Variants in CACNA2D3 observed in about 807,000 individuals in gnomAD.
CACNA2D3 encodes voltage-dependent calcium channel subunit alpha-2/delta-3.
Under a neutral mutation model 160.6 loss-of-function variants are expected in CACNA2D3, and 60 were observed. The observed-to-expected ratio is 0.37, with a 90% CI of 0.30 to 0.46. The LOEUF (loss-of-function observed/expected upper bound fraction) is 0.46, where lower values mean the gene tolerates loss of function less well. Ranked by LOEUF, CACNA2D3 falls within the 20% of genes least tolerant of loss-of-function variation. The pLI is 1.00. For synonymous variants in CACNA2D3, 558 were observed against 492.9 expected (o/e 1.13, Z -1.75); for missense variants, 1,205 against 1,365.0 (o/e 0.88, Z 1.85).
At chr3:55,011,675 T>G (rs1703214742) in intron 34 of CACNA2D3, among the ~76,000 whole-genome samples, 1 of 152,020 alleles carries the variant, frequency 6.6e-6, no homozygotes, top group South Asian at 2.1e-4. Flanking sequence ...TGGAGCTAAT[T>G]AGGGTCAGTA....
intron 13 of CACNA2D3, among the ~76,000 whole-genome samples, chr3:54,788,510 T>A (rs904633246): frequency 5.9e-5 from 9 of 152,168 alleles, no homozygotes; most frequent in African/African-American, 2.2e-4. Context: ...AAATCACTTT[T>A]GAAACTCTCC....
At chr3:54,353,432 T>C (rs538777989) in intron 3 of CACNA2D3, among the ~76,000 whole-genome samples, 144 of 152,010 alleles carry the variant, frequency 9.5e-4, no homozygotes, top group African/African-American at 3.3e-3. Flanking sequence ...TCAGCAGATA[T>C]GGGTATAAGA....
chr3:54,549,818 A>G (rs1380288416), intron 5 of CACNA2D3, among the ~76,000 whole-genome samples: 2 of 152,226 alleles, frequency 1.3e-5, no homozygotes, highest in African/African-American at 4.8e-5. Flanking sequence ...AAATATCAAT[A>G]AAAAGCTGAT....
intron 4 of CACNA2D3, among the ~76,000 whole-genome samples, chr3:54,498,486 T>C (rs1208126430): frequency 6.6e-6 from 1 of 151,998 alleles, no homozygotes; most frequent in Non-Finnish European, 1.5e-5. Context: ...TCTTAATCAG[T>C]CTAACTAGAA....
chr3:54,544,428 G>A lies in CACNA2D3; in HGVS notation c.545-18372G>A, dbSNP rs555238593. Among the ~76,000 whole-genome samples the A allele has an allele frequency of 8.6e-5, 13 of 151,482 alleles. No homozygotes were observed. In the East Asian group the frequency reaches 2.5e-3, roughly 29 times the overall value. ...TTTTTTTAATGTTTTTAAAGATACAGGGTCATATTCTGTTATCAAGACTGG... is the reference window on the plus strand; with the variant it reads ...TTTTTTTAATGTTTTTAAAGATACAAGGTCATATTCTGTTATCAAGACTGG... On this transcript the variant is annotated intron_variant, in intron 5 of 37. Transcript: ENST00000474759.
chr3:54,776,140 C>A (rs1210865563), intron 13 of CACNA2D3, among the ~76,000 whole-genome samples: 1 of 152,174 alleles, frequency 6.6e-6, no homozygotes, highest in African/African-American at 2.4e-5. Context: ...GGTCAGATGT[C>A]CATCATTTAT....
intron 35 of CACNA2D3, among the ~76,000 whole-genome samples, chr3:55,034,971 A>AT (rs552877886): frequency 1.4e-4 from 21 of 151,508 alleles, no homozygotes; most frequent in South Asian, 1.0e-3. Flanking sequence ...CATAAATGCC[A>AT]TTTTTTTTTA....
intron 9 of CACNA2D3, among the ~76,000 whole-genome samples, chr3:54,582,959 T>G (rs1328783341): frequency 2.0e-5 from 3 of 152,164 alleles, no homozygotes; most frequent in African/African-American, 7.2e-5. Context: ...ATGATAAGCT[T>G]CATATTTAGG....
chr3:54,239,811 C>G (rs540106766), intron 2 of CACNA2D3, among the ~76,000 whole-genome samples: 1 of 152,300 alleles, frequency 6.6e-6, no homozygotes, highest in East Asian at 1.9e-4. Flanking sequence ...TTCTAATCCT[C>G]TCTTTACTCA....
intron 11 of CACNA2D3, among the ~76,000 whole-genome samples, chr3:54,663,869 C>T (rs1700015933): frequency 6.6e-6 from 1 of 152,222 alleles, no homozygotes; most frequent in South Asian, 2.1e-4. Context: ...CCTCTCCTGC[C>T]TGTGTTTTCC....
At chr3:55,033,708 A>C (rs1247676860) in intron 35 of CACNA2D3, among the ~76,000 whole-genome samples, 2 of 130,850 alleles carry the variant, frequency 1.5e-5, no homozygotes, top group African/African-American at 5.7e-5. Context: ...AAATATATAT[A>C]ATATATATTA....
At chr3:55,068,680 A>G (rs1704725629) in intron 35 of CACNA2D3, among the ~76,000 whole-genome samples, 1 of 152,108 alleles carries the variant, frequency 6.6e-6, no homozygotes, top group African/African-American at 2.4e-5. Flanking sequence ...GTAAATAGAG[A>G]TCCTCTTCAC....
At chr3:54,854,811 G>GCTTA (rs1432199561) in intron 17 of CACNA2D3, among the ~76,000 whole-genome samples, 3 of 152,096 alleles carry the variant, frequency 2.0e-5, no homozygotes, top group Admixed American at 6.5e-5. Context: ...ATTCCCTGAT[G>GCTTA]CTTAGGCCAA....
At chr3:54,232,364 T>C (rs1701787951) in intron 2 of CACNA2D3, among the ~76,000 whole-genome samples, 1 of 152,150 alleles carries the variant, frequency 6.6e-6, no homozygotes. Context: ...TGGGTGGTAG[T>C]ATTTGTAAGA....
At chr3:54,142,629 T>C (rs890580606) in intron 2 of CACNA2D3, among the ~76,000 whole-genome samples, 1 of 152,188 alleles carries the variant, frequency 6.6e-6, no homozygotes, top group Non-Finnish European at 1.5e-5. Context: ...TACTACTTGT[T>C]GAACATTTAA....
chr3:55,061,691 GT>G (rs1373925803), intron 35 of CACNA2D3, among the ~76,000 whole-genome samples: 1 of 152,086 alleles, frequency 6.6e-6, no homozygotes, highest in East Asian at 1.9e-4. Context: ...CTGAAAATGT[GT>G]TTGTTTTCAT....
intron 11 of CACNA2D3, among the ~76,000 whole-genome samples, chr3:54,677,652 C>T (rs2106908677): frequency 6.6e-6 from 1 of 150,382 alleles, no homozygotes; most frequent in South Asian, 2.1e-4. Flanking sequence ...CTCGTCTAGT[C>T]TCTCTCCCAG....
chr3:54,708,049 G>A (rs1356095554), intron 11 of CACNA2D3, among the ~76,000 whole-genome samples: 5 of 152,182 alleles, frequency 3.3e-5, no homozygotes, highest in Non-Finnish European at 7.3e-5. Context: ...AATGAATGAA[G>A]GTTATGGTCT....
At chr3:54,950,805 G>A (rs186360078) in intron 27 of CACNA2D3, among the ~76,000 whole-genome samples, 79 of 152,256 alleles carry the variant, frequency 5.2e-4, no homozygotes, top group African/African-American at 1.7e-3. Flanking sequence ...GGGAAGGGAC[G>A]CACAGAGGAA....
Sources: gnomAD v4.1 joint callset for allele counts (sites outside exome capture counted in the v4.1 genomes callset) on GRCh38, gnomAD v4.1.1 for gene constraint, MANE v1.5 for transcripts, NCBI Gene and HGNC (gene_info 2026-07-23, HGNC 2026-07-21) for gene names.